ZNF543: variants seen among roughly 807,000 people sequenced by gnomAD.
ZNF543 encodes zinc finger protein 543.
In ZNF543, 10 loss-of-function variants were observed where a neutral mutation model predicts 13.4. That is an observed-to-expected ratio of 0.75 (90% CI 0.46 to 1.26). The LOEUF is 1.26. Ranked by LOEUF, ZNF543 falls within the 50% of genes most tolerant of loss-of-function variation. ZNF543 has a pLI of 0.00. For missense variants in ZNF543, 768 were observed against 741.2 expected, an observed-to-expected ratio of 1.04 and a Z score of -0.42; for synonymous variants, 272 against 264.7, an observed-to-expected ratio of 1.03 and a Z score of -0.27.
Position 57,327,781 on chromosome 19 carries a change from C to G in ZNF543, c.319C>G (p.Gln107Glu), listed in dbSNP as rs762646214. ...ALPEEVLLQE[Q>E]LTQGASKNSQ... is the part of the protein sequence containing the mutation. Reference sequence around the variant, plus strand: ...GCCTGAGGAAGTCTTACTCCAGGAACAACTGACACAAGGAGCCTCAAAGAA... The same window carrying G: ...GCCTGAGGAAGTCTTACTCCAGGAAGAACTGACACAAGGAGCCTCAAAGAA... Residue 107 changes from glutamine (Q) to glutamate (E), a missense_variant, in exon 4 of 4, where the codon CAA becomes GAA. Gln to Glu is a conservative substitution (Grantham distance 29, BLOSUM62 2). Transcript: ENST00000321545. The G allele has an allele frequency of 8.7e-6, 14 of 1,613,880 alleles. No homozygotes were observed. The African/African-American group carries it at 1.7e-4, about 20-fold the overall frequency.
intron 2 of ZNF543, among the ~76,000 whole-genome samples, chr19:57,324,079 C>T (rs763964923): frequency 2.6e-4 from 39 of 152,270 alleles, no homozygotes; most frequent in Middle Eastern, 3.4e-3. Context: ...AGGCCAGGCA[C>T]AGTGGCTCAT....
At position 57,326,680 on chromosome 19, in the gene ZNF543, C is replaced by T. The variant is rs573631288; in HGVS notation, c.193C>T (p.Gln65Ter). 5 of 1,614,070 alleles carry T rather than the reference C, an allele frequency of 3.1e-6. No homozygotes were observed. The East Asian group carries it at 6.7e-5, about 22-fold the overall frequency. ...PELIYQLDHR[Q>*]ELWMATKDLS... ...GCTGATCTACCAGTTGGATCACAGA[C>T]AGGAGCTATGGATGGCTACAAAAGA... Residue 65 changes from glutamine (Q) to a stop codon, truncating the protein, a stop_gained, in exon 3 of 4, where the codon CAG (glutamine) becomes TAG (stop). Transcript: ENST00000321545. LOFTEE classifies it low-confidence loss of function (END_TRUNC).
chr19:57,320,989 A>G (rs1169108081), intron 1 of ZNF543, 118 bp downstream of exon 1: 1 of 1,396,840 alleles, frequency 7.2e-7, no homozygotes, highest in East Asian at 2.4e-5. Context: ...ATTTAAGAGA[A>G]GTGGCCGTAG....
chr19:57,328,715 C>T lies in ZNF543; in HGVS notation c.1253C>T (p.Thr418Ile). The stretch of plus-strand genomic sequence containing the variant: ...CTCAAGCAGCATCAACGGATTCACA[C>T]TGGGGAGAAGCCTTATGAATGCAGT... ...SHLKQHQRIH[T>I]GEKPYECSEC... Residue 418 changes from threonine (T) to isoleucine (I), a missense_variant, in exon 4 of 4, where the codon ACT (threonine) becomes ATT (isoleucine). Coordinates refer to ENST00000321545, the MANE Select transcript of ZNF543 (RefSeq NM_213598.4). The T allele has an allele frequency of 6.2e-7, 1 of 1,613,212 alleles. No homozygotes were observed. Among genetic ancestry groups the T allele is most frequent in the East Asian group, 2.2e-5 (1 of 44,752 alleles).
chr19:57,326,863 G>GCCCCCCT (rs752772288), intron 3 of ZNF543, 135 bp downstream of exon 3: 1 of 568,890 alleles, frequency 1.8e-6, no homozygotes. Flanking sequence ...GCCTCTCCCC[G>GCCCCCCT]CCCGCCCCCC....
In ZNF543 at chr19:57,329,329, G is replaced by C; in HGVS notation, c.*64G>C. 6.6e-7 allele frequency: 1 copy of C among 1,517,610 alleles called. No homozygotes were observed. The highest frequency in any genetic ancestry group is 1.3e-5 in the South Asian group (1 of 75,026). The allele number at this position is 1,517,610 out of a possible 1,614,324, so 94.0% of individuals were successfully genotyped here. A position where few individuals can be genotyped will look rare whatever the true frequency, so the allele number is the denominator to read the frequency against. On this transcript the variant is annotated 3_prime_UTR_variant, in exon 4 of 4. Transcript: ENST00000321545. Reference sequence around the variant, plus strand: ...GAAACTTCATAAGCATCCTCTCTTTGAGAAAACGTGTAATAGATGATCATT... The same window carrying C: ...GAAACTTCATAAGCATCCTCTCTTTCAGAAAACGTGTAATAGATGATCATT...
At position 57,328,087 on chromosome 19, in the gene ZNF543, A is replaced by T. The variant is rs747559817; in HGVS notation, c.625A>T (p.Lys209Ter). Residue 209 changes from lysine (K) to a stop codon, truncating the protein, a stop_gained, in exon 4 of 4, where the codon AAA (lysine) becomes TAA (stop). Coordinates refer to ENST00000321545, the MANE Select transcript of ZNF543 (RefSeq NM_213598.4). LOFTEE classifies it low-confidence loss of function (END_TRUNC). Reference sequence around the variant, plus strand: ...ATGTGAGGAATGCGGGAAAGTGTTTAAAAAGAATGCCCTCCTTGTTCAGCA... The same window carrying T: ...ATGTGAGGAATGCGGGAAAGTGTTTTAAAAGAATGCCCTCCTTGTTCAGCA... ...YKCEECGKVF[K>*]KNALLVQHER... 2 of 1,614,262 alleles carry T rather than the reference A, an allele frequency of 1.2e-6. No homozygotes were observed. Among genetic ancestry groups the T allele is most frequent in the East Asian group, 2.2e-5 (1 of 44,894 alleles).
In ZNF543 at chr19:57,329,504, T is replaced by C. The variant is rs560760003; in HGVS notation, c.*239T>C. 4.8e-4 allele frequency: 218 copies of C among 456,326 alleles called. 1 individual carries two copies. Among genetic ancestry groups the C allele is most frequent in the African/African-American group, 4.3e-3 (212 of 49,438 alleles). The allele number at this position is 456,326 out of a possible 1,614,324, so 28.3% of individuals were successfully genotyped here. On this transcript the variant is annotated 3_prime_UTR_variant, in exon 4 of 4. Transcript: ENST00000321545. ...CTTCTTAGTTTACAGTGAAATATTA[T>C]CTCAGGGATATTTTTTTTTTTTTTT...
rs752738530 is a variant in ZNF543 at position 57,329,005 on chromosome 19, G to A, written c.1543G>A (p.Ala515Thr). 7.7e-5 allele frequency: 125 copies of A among 1,614,028 alleles called. 2 individuals carry two copies. In the South Asian group the frequency reaches 1.3e-3, roughly 16 times the overall value. ...KPYECIQCGK[A>T]FCRSANLIRH... ...CTATGAATGCATCCAGTGTGGGAAA[G>A]CCTTTTGCCGGAGCGCAAACCTTAT... The change falls in exon 4 of 4, where the codon GCC becomes ACC. Residue 515 changes from alanine (A) to threonine (T), a missense_variant. Coordinates refer to ENST00000321545, the MANE Select transcript of ZNF543 (RefSeq NM_213598.4).
chr19:57,327,802 A>G lies in ZNF543; in HGVS notation c.340A>G (p.Lys114Glu). Residue 114 changes from lysine (K) to glutamate (E), a missense_variant, in exon 4 of 4, where the codon AAG becomes GAG. By Grantham distance (56) the Lys-to-Glu change is moderately conservative. Around this residue, in one of 3 missense-constraint regions of ZNF543, gnomAD observed 677 missense variants for 631.4 expected, o/e 1.07. Transcript: ENST00000321545. ...GGAACAACTGACACAAGGAGCCTCA[A>G]AGAACTCCCAATTAGGGCAATCCAA... ...LQEQLTQGAS[K>E]NSQLGQSKDQ... is the part of the protein sequence containing the mutation. The G allele has an allele frequency of 1.9e-6, 3 of 1,614,120 alleles. No individual in the cohort carries two copies. The highest frequency in any genetic ancestry group is 2.5e-6 in the Non-Finnish European group (3 of 1,180,030).
At chr19:57,326,968 A>C (rs1000613469) in intron 3 of ZNF543, among the ~76,000 whole-genome samples, 1 of 149,786 alleles carries the variant, frequency 6.7e-6, no homozygotes, top group Non-Finnish European at 1.5e-5. Context: ...CCTGGGCTCA[A>C]GGGATTCTCC....
rs2088139024 is a variant in ZNF543, at chr19:57,328,474, C to G, written c.1012C>G (p.Pro338Ala). Residue 338 changes from proline to alanine, a missense_variant, in exon 4 of 4, where the codon CCC becomes GCC. This residue lies in a region of ZNF543 where 677 missense variants were observed against 631.4 expected (regional missense o/e 1.07). Transcript: ENST00000321545. ...CTACATCATCCACACGGGAGAGAAG[C>G]CCTATGAGTGCATTGAGTGTGGGAA... ...RHYIIHTGEK[P>A]YECIECGKAF... 1 of 1,614,220 alleles carries G rather than the reference C, an allele frequency of 6.2e-7. No homozygotes were observed. The highest frequency in any genetic ancestry group is 8.5e-7 in the Non-Finnish European group (1 of 1,180,048).
chr19:57,328,634 G>T lies in ZNF543; in HGVS notation c.1172G>T (p.Gly391Val). The T allele has an allele frequency of 3.1e-6, 5 of 1,613,786 alleles. No individual in the cohort carries two copies. The highest frequency in any genetic ancestry group is 4.2e-6 in the Non-Finnish European group (5 of 1,179,954). ...DLIQHYIIHT[G>V]EKPYKCMECG... ...ATTCAACACTACATTATCCACACTG[G>T]GGAGAAGCCCTATAAGTGCATGGAG... Residue 391 changes from glycine to valine, a missense_variant, in exon 4 of 4, where the codon GGG becomes GTG. Around this residue, in one of 3 missense-constraint regions of ZNF543, gnomAD observed 677 missense variants for 631.4 expected, o/e 1.07. Transcript: ENST00000321545.
rs10417949 is a variant in ZNF543, at chr19:57,330,077, C to T, written c.*812C>T. 0.27 allele frequency: 40,549 copies of T among 152,128 alleles called. 5,784 individuals are homozygous for T. The highest frequency in any genetic ancestry group is 0.31 in the African/African-American group (12,998 of 41,492). The allele number at this position is 152,128 out of a possible 1,614,324, so 9.4% of individuals were successfully genotyped here. ...ACTTGCTTAGTCCTGCAACGTTCTC[C>T]ACTCTCGAGGTGCAGAAGCATACAT... On this transcript the variant is annotated 3_prime_UTR_variant, in exon 4 of 4. Transcript: ENST00000321545.
rs747967146 is a variant in ZNF543, at chr19:57,328,616, A to C, written c.1154A>C (p.His385Pro). ...TGCGAGAGTGCAGACCTCATTCAAC[A>C]CTACATTATCCACACTGGGGAGAAG... ...AFCESADLIQ[H>P]YIIHTGEKPY... The change falls in exon 4 of 4, where the codon CAC becomes CCC. Residue 385 changes from histidine to proline, a missense_variant. By Grantham distance (77) the His-to-Pro change is moderately conservative (BLOSUM62 -2). This residue lies in a region of ZNF543 where 677 missense variants were observed against 631.4 expected (regional missense o/e 1.07). Coordinates refer to ENST00000321545, the MANE Select transcript of ZNF543 (RefSeq NM_213598.4). 17 of 1,612,980 alleles carry C rather than the reference A, an allele frequency of 1.1e-5. No individual in the cohort carries two copies. The highest frequency in any genetic ancestry group is 1.3e-5 in the Non-Finnish European group (15 of 1,179,808).
In ZNF543 at chr19:57,329,252, A is replaced by G. The variant is rs140340724; in HGVS notation, c.1790A>G (p.Glu597Gly). The G allele has an allele frequency of 1.9e-6, 3 of 1,602,450 alleles. No homozygotes were observed. The highest frequency in any genetic ancestry group is 2.7e-5 in the African/African-American group (2 of 74,458). The change falls in exon 4 of 4, where the codon GAA becomes GGA. Residue 597 changes from glutamate to glycine, a missense_variant. This residue lies in a region of ZNF543 where 677 missense variants were observed against 631.4 expected (regional missense o/e 1.07). Coordinates refer to ENST00000321545, the MANE Select transcript of ZNF543 (RefSeq NM_213598.4). ...GAGTTTTTGAATATCACCACTGAAG[A>G]AAATCTGTGGTGAAAGGGAACATCT... ...GKEFLNITTEENLW is the reference protein window; with the variant it reads ...GKEFLNITTEGNLW
intron 2 of ZNF543, among the ~76,000 whole-genome samples, chr19:57,324,034 C>T (rs1483593341): frequency 6.6e-6 from 1 of 152,110 alleles, no homozygotes; most frequent in Non-Finnish European, 1.5e-5. Context: ...AGGAATCCCT[C>T]TGTGCCTCAG....
Position 57,326,664 on chromosome 19 carries a change from C to A in ZNF543, c.177C>A (p.Tyr59Ter). ...CTTTGTTCAAACCAGAGCTGATCTACCAGTTGGATCACAGACAGGAGCTAT... is the reference window on the plus strand; with the variant it reads ...CTTTGTTCAAACCAGAGCTGATCTAACAGTTGGATCACAGACAGGAGCTAT... ...GCPLFKPELIYQLDHRQELWM... is the reference protein window; with the variant it reads ...GCPLFKPELI The change falls in exon 3 of 4, where the codon TAC (tyrosine) becomes TAA (stop). Residue 59 changes from tyrosine (Y) to a stop codon, truncating the protein, a stop_gained. Coordinates refer to ENST00000321545, the MANE Select transcript of ZNF543 (RefSeq NM_213598.4). LOFTEE classifies it high-confidence loss of function. The A allele has an allele frequency of 6.2e-7, 1 of 1,614,074 alleles. No individual in the cohort carries two copies. Among genetic ancestry groups the A allele is most frequent in the South Asian group, 1.1e-5 (1 of 91,086 alleles).
At chr19:57,325,335 G>A (rs2122938068) in intron 2 of ZNF543, among the ~76,000 whole-genome samples, 1 of 152,276 alleles carries the variant, frequency 6.6e-6, no homozygotes, top group South Asian at 2.1e-4. Context: ...ATCCCACCCT[G>A]TGTTTTTGTG....
Sources: allele counts gnomAD v4.1 joint callset (sites outside exome capture counted in the v4.1 genomes callset), GRCh38; gene constraint gnomAD v4.1.1; regional missense constraint gnomAD v4.1.1; transcripts MANE v1.5; gene names NCBI Gene and HGNC (gene_info 2026-07-23, HGNC 2026-07-21).